Variants in GANAB observed in about 807,000 individuals in gnomAD.
GANAB encodes the protein glucosidase II alpha subunit.
In GANAB, 35 loss-of-function variants were observed where a neutral mutation model predicts 129.9. The ratio of observed to expected loss-of-function variants is 0.27; its 90% CI spans 0.21 to 0.36. GANAB has a LOEUF of 0.36. Among genes scored for constraint, GANAB ranks in the 10% least tolerant of loss-of-function variants. GANAB has a pLI of 1.00. For synonymous variants in GANAB, 482 were observed against 451.8 expected (o/e 1.07, Z -0.85); for missense variants, 939 against 1,221.0 (o/e 0.77, Z 3.44).
intron 1 of GANAB, among the ~76,000 whole-genome samples, chr11:62,645,852 C>A (rs543986579): frequency 1.3e-5 from 2 of 152,328 alleles, no homozygotes; most frequent in East Asian, 3.9e-4. Context: ...CCTACCCCAC[C>A]CCAGTATATC....
intron 1 of GANAB, among the ~76,000 whole-genome samples, chr11:62,640,813 A>G (rs1304849236): frequency 7.1e-6 from 1 of 140,890 alleles, no homozygotes; most frequent in Non-Finnish European, 1.5e-5. Flanking sequence ...AGCCTGGGCG[A>G]CAAAGTAAAA....
chr11:62,644,789 C>T (rs1295161587), intron 1 of GANAB, among the ~76,000 whole-genome samples: 1 of 152,092 alleles, frequency 6.6e-6, no homozygotes, highest in Non-Finnish European at 1.5e-5. Flanking sequence ...CACCCCTGCA[C>T]TCCATCCTAG....
chr11:62,631,685 T>C (rs1349763626), intron 9 of GANAB, among the ~76,000 whole-genome samples: 1 of 151,850 alleles, frequency 6.6e-6, no homozygotes, highest in African/African-American at 2.4e-5. Flanking sequence ...ATGGTCTCGA[T>C]CTCTTGACCT....
intron 4 of GANAB, among the ~76,000 whole-genome samples, chr11:62,636,907 C>G (rs570459369): frequency 1.3e-5 from 2 of 151,968 alleles, no homozygotes; most frequent in Non-Finnish European, 2.9e-5. Context: ...GCCTAAGCAA[C>G]AGAGCAAGAC....
At chr11:62,637,340 T>C (rs1943990433) in intron 4 of GANAB, among the ~76,000 whole-genome samples, 1 of 152,188 alleles carries the variant, frequency 6.6e-6, no homozygotes, top group Non-Finnish European at 1.5e-5. Context: ...TCCTAGCACT[T>C]TGGGAGGCTG....
At chr11:62,641,341 G>GGAA (rs1554974899) in intron 1 of GANAB, among the ~76,000 whole-genome samples, 1 of 109,978 alleles carries the variant, frequency 9.1e-6, no homozygotes, top group South Asian at 3.4e-4. Flanking sequence ...AAAACTCTCA[G>GGAA]AAAAAAAAAA....
Position 62,639,928 on chromosome 11 carries a change from A to G in GANAB, c.39-197T>C, listed in dbSNP as rs796514708. 69 of 565,334 alleles carry G rather than the reference A, an allele frequency of 1.2e-4. 1 individual carries two copies. The highest frequency in any genetic ancestry group is 1.1e-3 in the African/African-American group (60 of 53,124). 35.0% of individuals were successfully genotyped at this position (565,334 alleles called of 1,614,324 possible). A position where few individuals can be genotyped will look rare whatever the true frequency, so the allele number is the denominator to read the frequency against. On this transcript the variant is annotated intron_variant, in intron 1 of 23. Transcript: ENST00000356638. ...TCAGGCCTGAGAAGTTGGCTCACTC[A>G]CACCTTCCCTTTGAAAGGCAGAGTA... is the stretch of plus-strand genomic sequence containing the variant.
rs370827174 is a variant in GANAB, at chr11:62,643,962, G to T, written c.38+2600C>A. 3.4e-3 allele frequency among the ~76,000 whole-genome samples: 519 copies of T among 152,074 alleles called. 3 individuals carry two copies. Among genetic ancestry groups the T allele is most frequent in the African/African-American group, 0.012 (491 of 41,488 alleles). ...CCGCATTTTATTTTTAATTTTTTTT[G>T]AAACTGAGTTTCACTCTTGTTGCCC... On this transcript the variant is annotated intron_variant, in intron 1 of 23. Transcript: ENST00000356638.
rs1256865867 is a variant in GANAB, at chr11:62,633,026, T to C, written c.794A>G (p.Asn265Ser). The change falls in exon 8 of 24, where the codon AAC becomes AGC. Residue 265 changes from asparagine to serine, a missense_variant. Coordinates refer to ENST00000356638, the MANE Select transcript of GANAB (RefSeq NM_198334.3). The part of the protein sequence containing the change: ...HVYGIPEHAD[N>S]LRLKVTEGGE... ...TCACTCAGTGACCTTCAGCCTCAGG[T>C]TGTCTGCATGCTCAGGGATCCCATA... 4 of 1,605,392 alleles carry C rather than the reference T, an allele frequency of 2.5e-6. No individual in the cohort carries two copies. The highest frequency in any genetic ancestry group is 1.7e-4 in the Middle Eastern group (1 of 6,012).
At chr11:62,634,048 C>T (rs1054320290) in intron 5 of GANAB, 9 of 449,392 alleles carry the variant, frequency 2.0e-5, no homozygotes, top group Non-Finnish European at 3.2e-5. Flanking sequence ...TCAGGAACCC[C>T]AGCAATAGGC....
chr11:62,629,419 T>G, intron 15 of GANAB, 124 bp from the exon 16 acceptor site: 2 of 840,580 alleles, frequency 2.4e-6, no homozygotes, highest in South Asian at 1.5e-5. Context: ...ACAAGAACAT[T>G]TGAACAAGGA....
At chr11:62,639,600 C>T (rs1242796591) in intron 2 of GANAB, 27 bp downstream of exon 2, 1 of 1,541,332 alleles carries the variant, frequency 6.5e-7, no homozygotes, top group Admixed American at 1.7e-5. Context: ...CCCTACATTC[C>T]ATCCCTCTCC....
intron 4 of GANAB, among the ~76,000 whole-genome samples, chr11:62,635,851 A>C (rs538737681): frequency 1.3e-5 from 2 of 151,870 alleles, no homozygotes; most frequent in South Asian, 4.2e-4. Context: ...GCTAATCTCA[A>C]ACTCCTGACC....
intron 2 of GANAB, 50 bp from the exon 3 acceptor site, chr11:62,639,517 C>G (rs1159867317): frequency 6.8e-7 from 1 of 1,481,432 alleles, no homozygotes; most frequent in Admixed American, 1.7e-5. Flanking sequence ...TGCAATGTCC[C>G]TAAGTCAGTC....
chr11:62,626,249 G>A, intron 22 of GANAB, 84 bp from the exon 23 acceptor site: 2 of 1,344,942 alleles, frequency 1.5e-6, no homozygotes, highest in Non-Finnish European at 2.1e-6. Context: ...AGGTCAGAAT[G>A]TGAGAAAAGA....
chr11:62,631,290 TG>T, intron 9 of GANAB, 107 bp from the exon 10 acceptor site: 1 of 1,082,982 alleles, frequency 9.2e-7, no homozygotes, highest in Non-Finnish European at 1.3e-6. Flanking sequence ...AGCTGGCTCA[TG>T]TAAGCTGCTT....
intron 4 of GANAB, among the ~76,000 whole-genome samples, chr11:62,637,548 G>C (rs995661655): frequency 6.6e-6 from 1 of 152,172 alleles, no homozygotes; most frequent in African/African-American, 2.4e-5. Context: ...TCCCAAGCAA[G>C]GATAACAGGA....
rs527539268 is a variant in GANAB at position 62,639,597 on chromosome 11, T to C, written c.143+30A>G. The C allele has an allele frequency of 2.6e-6, 4 of 1,534,098 alleles. No homozygotes were observed. The Admixed American group carries it at 5.0e-5, about 19-fold the overall frequency. ...TCCCACATTACCCTACAACCCTACA[T>C]TCCATCCCTCTCCCCCAGAAATATC... On this transcript the variant is annotated intron_variant, in intron 2 of 23. Transcript: ENST00000356638.
chr11:62,630,953 G>A (rs1196546960), intron 10 of GANAB, 77 bp downstream of exon 10: 1 of 1,521,538 alleles, frequency 6.6e-7, no homozygotes. Context: ...AACAAGCTGG[G>A]GCACAGGATC....
Sources: gnomAD v4.1 joint callset for allele counts (sites outside exome capture counted in the v4.1 genomes callset) on GRCh38, gnomAD v4.1.1 for gene constraint, MANE v1.5 for transcripts, NCBI Gene and HGNC (gene_info 2026-07-23, HGNC 2026-07-21) for gene names.